The following MACROD1 variants were observed in gnomAD, a reference collection of about 807,000 sequenced individuals.
The protein encoded by MACROD1 is mono-ADP ribosylhydrolase 1.
MACROD1 carries 31 observed loss-of-function variants against 41.4 expected under a neutral mutation model. The ratio of observed to expected loss-of-function variants is 0.75; its 90% confidence interval spans 0.56 to 1.01. The LOEUF is 1.01. Among genes scored for constraint, MACROD1 ranks in the 50% least tolerant of loss-of-function variants. MACROD1 has a pLI of 0.00. For missense variants in MACROD1, 473 were observed against 460.0 expected, an observed-to-expected ratio of 1.03 and a Z score of -0.26; for synonymous variants, 252 against 203.4, an observed-to-expected ratio of 1.24 and a Z score of -2.03.
At chr11:64,123,340 A>AT (rs35193913) in intron 3 of MACROD1, among the ~76,000 whole-genome samples, 11 of 151,800 alleles carry the variant, frequency 7.2e-5, no homozygotes, top group Admixed American at 2.0e-4. Flanking sequence ...GAGAGGAGGC[A>AT]TTTTTTTTTC....
At chr11:64,159,794 CA>C (rs1289343483) in intron 1 of MACROD1, among the ~76,000 whole-genome samples, 1 of 151,568 alleles carries the variant, frequency 6.6e-6, no homozygotes, top group Non-Finnish European at 1.5e-5. Flanking sequence ...AACTCGGTCT[CA>C]AAAAAAATTA....
At chr11:64,011,177 GGTTGGGGTATTT>G (rs1943010738) in intron 4 of MACROD1, among the ~76,000 whole-genome samples, 1 of 148,966 alleles carries the variant, frequency 6.7e-6, no homozygotes, top group South Asian at 2.1e-4. Context: ...TTGGCATGTT[GGTTGGGGTATTT>G]GTTGGGGTGT....
In MACROD1 at chr11:63,999,396, A is replaced by G; in HGVS notation, c.826T>C (p.Cys276Arg). The change falls in exon 8 of 11, where the codon TGT (cysteine) becomes CGT (arginine). Residue 276 changes from cysteine to arginine, a missense_variant. Physicochemically the swap from Cys to Arg is radical, Grantham distance 180. Transcript: ENST00000255681. ...AGCACGATCTCGGCGGCCGCCTCACAGGGGTAGCCTGAGGCGGGTGGGGCG... is the reference window on the plus strand; with the variant it reads ...AGCACGATCTCGGCGGCCGCCTCACGGGGGTAGCCTGAGGCGGGTGGGGCG... ...CISTGVFGYP[C>R]EAAAEIVLAT... The G allele has an allele frequency of 6.3e-7, 1 of 1,591,058 alleles. No individual in the cohort carries two copies. Among genetic ancestry groups the G allele is most frequent in the Non-Finnish European group, 8.5e-7 (1 of 1,172,566 alleles).
At chr11:64,119,676 T>C (rs1945062693) in intron 3 of MACROD1, among the ~76,000 whole-genome samples, 1 of 152,102 alleles carries the variant, frequency 6.6e-6, no homozygotes, top group African/African-American at 2.4e-5. Context: ...GGACTCTGTT[T>C]CTTGAGAGGG....
chr11:64,030,262 C>T (rs987782917), intron 3 of MACROD1, among the ~76,000 whole-genome samples: 18 of 152,120 alleles, frequency 1.2e-4, no homozygotes, highest in East Asian at 5.8e-4. Context: ...CCATCATCTC[C>T]GGGCAATTCC....
intron 3 of MACROD1, among the ~76,000 whole-genome samples, chr11:64,077,243 G>A (rs1042897289): frequency 1.3e-5 from 2 of 152,210 alleles, no homozygotes; most frequent in Non-Finnish European, 2.9e-5. Flanking sequence ...CAGGGACCCA[G>A]TGATTCATTT....
At chr11:64,026,640 T>C (rs1004364649) in intron 3 of MACROD1, among the ~76,000 whole-genome samples, 16 of 152,168 alleles carry the variant, frequency 1.1e-4, no homozygotes, top group African/African-American at 3.6e-4. Context: ...AATTCTCCAA[T>C]AGCTTCCGAT....
At chr11:64,138,362 G>A (rs553445470) in intron 3 of MACROD1, among the ~76,000 whole-genome samples, 1 of 152,216 alleles carries the variant, frequency 6.6e-6, no homozygotes, top group South Asian at 2.1e-4. Flanking sequence ...AAAGCTCCCC[G>A]CAGGCTGCCA....
At chr11:64,103,643 C>T (rs1404840475) in intron 3 of MACROD1, 1 of 151,898 alleles carries the variant, frequency 6.6e-6, no homozygotes, top group Non-Finnish European at 1.5e-5. Context: ...AGAGGCCCTT[C>T]AGAAGAGGTG....
At chr11:64,007,369 G>A (rs575905649) in intron 4 of MACROD1, among the ~76,000 whole-genome samples, 21 of 152,320 alleles carry the variant, frequency 1.4e-4, no homozygotes, top group Admixed American at 1.0e-3. Flanking sequence ...CAGAGGATGA[G>A]GTGGCCCCTC....
intron 3 of MACROD1, among the ~76,000 whole-genome samples, chr11:64,112,736 A>AG (rs1944884908): frequency 6.6e-6 from 1 of 152,066 alleles, no homozygotes. Flanking sequence ...TGGGGATACT[A>AG]GGGGGTGCCT....
At chr11:64,105,115 C>G (rs1425509183) in intron 3 of MACROD1, among the ~76,000 whole-genome samples, 6 of 152,228 alleles carry the variant, frequency 3.9e-5, no homozygotes, top group Non-Finnish European at 8.8e-5. Flanking sequence ...TTATTAGCCA[C>G]CGGTGTGAAA....
chr11:64,059,545 T>C (rs1193292852), intron 3 of MACROD1, among the ~76,000 whole-genome samples: 9 of 152,142 alleles, frequency 5.9e-5, no homozygotes, highest in Admixed American at 5.9e-4. Context: ...TGCAGGGTAC[T>C]TCCACCCTCA....
chr11:64,118,166 C>T (rs756814601), intron 3 of MACROD1: 92 of 1,613,588 alleles, frequency 5.7e-5, no homozygotes, highest in Middle Eastern at 3.3e-4. Context: ...AAGAAGAGTA[C>T]GTGGTCCACA....
At chr11:64,106,782 C>T (rs912445998) in intron 3 of MACROD1, among the ~76,000 whole-genome samples, 6 of 152,272 alleles carry the variant, frequency 3.9e-5, no homozygotes, top group Non-Finnish European at 7.3e-5. Context: ...GTCCCCAGCC[C>T]TGCTGGTGCT....
At chr11:64,117,051 G>T (rs929198147) in intron 3 of MACROD1, 1 of 1,605,280 alleles carries the variant, frequency 6.2e-7, no homozygotes, top group Admixed American at 1.7e-5. Flanking sequence ...TTCGCTGGCC[G>T]CGCCACCCCT....
Position 64,064,608 on chromosome 11 carries a change from A to G in MACROD1, c.518-49327T>C, listed in dbSNP as rs1943961919. 6.6e-6 allele frequency among the ~76,000 whole-genome samples: 1 copy of G among 151,746 alleles called. No individual in the cohort carries two copies. Among genetic ancestry groups the G allele is most frequent in the Admixed American group, 6.6e-5 (1 of 15,182 alleles). The stretch of plus-strand genomic sequence containing the variant: ...TTCTTCCCTGGCCCTGTTAAAACCC[A>G]GAATGTATCCTGACAGCATTGGAAC... On this transcript the variant is annotated intron_variant, in intron 3 of 10. Coordinates refer to ENST00000255681, the MANE Select transcript of MACROD1 (RefSeq NM_014067.4). The surrounding 1 kb of genome is among the most constrained non-coding windows in gnomAD (Gnocchi z 4.5).
At chr11:64,116,252 C>A (rs751007447) in intron 3 of MACROD1, 2 of 1,588,000 alleles carry the variant, frequency 1.3e-6, no homozygotes, top group South Asian at 1.1e-5. Context: ...GGGCCGGACG[C>A]CCCCAGCCAT....
rs74446247 is a variant in MACROD1, at chr11:64,144,386, C to T, written c.517+6853G>A. On this transcript the variant is annotated intron_variant, in intron 3 of 10. Coordinates refer to ENST00000255681, the MANE Select transcript of MACROD1 (RefSeq NM_014067.4). ...TCCTTTGCAGCCCAGGCCCACCCCA[C>T]GGCGTGGTGCACAGCAGCCGTATCA... 3.8e-3 allele frequency among the ~76,000 whole-genome samples: 586 copies of T among 152,334 alleles called. 1 individual carries two copies. Among genetic ancestry groups the T allele is most frequent in the African/African-American group, 0.014 (567 of 41,574 alleles).
Sources: allele counts gnomAD v4.1 joint callset (sites outside exome capture counted in the v4.1 genomes callset), GRCh38; gene constraint gnomAD v4.1.1; non-coding constraint Gnocchi (gnomAD v3.1); transcripts MANE v1.5; gene names NCBI Gene and HGNC (gene_info 2026-07-23, HGNC 2026-07-21).